The following XPO4 variants were observed in gnomAD, a reference collection of about 807,000 sequenced individuals.
XPO4 encodes exportin-4.
In XPO4, 39 loss-of-function variants were observed where a neutral mutation model predicts 143.0. That is an observed-to-expected ratio of 0.27 (90% CI 0.21 to 0.36). The LOEUF (loss-of-function observed/expected upper bound fraction) is 0.36. XPO4 is among the 10% of genes least tolerant of loss of function. The probability of loss-of-function intolerance (pLI) is 1.00; values close to 1 mark genes in which losing one functional copy is unlikely to be tolerated. For missense variants in XPO4, 907 were observed against 1,348.0 expected (o/e 0.67, Z 5.12); for synonymous variants, 439 against 474.0 (o/e 0.93, Z 0.96).
At chr13:20,834,201 T>A (rs2138024758) in intron 6 of XPO4, among the ~76,000 whole-genome samples, 1 of 152,206 alleles carries the variant, frequency 6.6e-6, no homozygotes, top group South Asian at 2.1e-4. Flanking sequence ...TAATAATCCT[T>A]AACAAATATA....
chr13:20,862,200 C>T (rs1310083525), intron 3 of XPO4, among the ~76,000 whole-genome samples: 1 of 152,074 alleles, frequency 6.6e-6, no homozygotes, highest in Non-Finnish European at 1.5e-5. Flanking sequence ...CAATACTTAC[C>T]ATTTTTCACC....
chr13:20,786,678 C>T (rs1344422540), intron 22 of XPO4, among the ~76,000 whole-genome samples: 1 of 152,094 alleles, frequency 6.6e-6, no homozygotes, highest in African/African-American at 2.4e-5. Context: ...TCATTCCTAG[C>T]ACAGTTGTTT....
intron 9 of XPO4, among the ~76,000 whole-genome samples, chr13:20,821,130 T>C (rs1012046595): frequency 2.6e-5 from 4 of 152,078 alleles, no homozygotes; most frequent in Non-Finnish European, 5.9e-5. Context: ...CCAAAAAACA[T>C]CTTCAGTATT....
intron 4 of XPO4, chr13:20,848,950 C>T: frequency 1.0e-6 from 1 of 985,390 alleles, no homozygotes; most frequent in Non-Finnish European, 1.2e-6. Flanking sequence ...ATTTAAGTAA[C>T]TCTTATCTTC....
At chr13:20,864,750 G>A (rs2060229971) in intron 2 of XPO4, among the ~76,000 whole-genome samples, 1 of 151,992 alleles carries the variant, frequency 6.6e-6, no homozygotes, top group African/African-American at 2.4e-5. Flanking sequence ...TATAGAAGAT[G>A]AATATTCAAA....
chr13:20,833,274 G>C (rs2059875053), intron 6 of XPO4, among the ~76,000 whole-genome samples: 1 of 152,118 alleles, frequency 6.6e-6, no homozygotes, highest in Non-Finnish European at 1.5e-5. Flanking sequence ...CAAAAGCATG[G>C]CCCATGCTTT....
chr13:20,790,414 A>G (rs2059265563), intron 19 of XPO4, 48 bp downstream of exon 19: 1 of 1,393,208 alleles, frequency 7.2e-7, no homozygotes. Context: ...GTATCTTTGA[A>G]CTTCAGTTAC....
chr13:20,825,341 AAAGTGCTTTAAAGTAGGCAAT>A (rs2059770868), intron 7 of XPO4, among the ~76,000 whole-genome samples: 2 of 152,240 alleles, frequency 1.3e-5, no homozygotes, highest in South Asian at 4.1e-4. Context: ...ATCCAGTGGA[AAAGTGCTTTAAAGTAGGCAAT>A]AAATTCATAT....
At chr13:20,887,836 G>A (rs1317538921) in intron 1 of XPO4, among the ~76,000 whole-genome samples, 2 of 151,650 alleles carry the variant, frequency 1.3e-5, no homozygotes, top group Non-Finnish European at 2.9e-5. Flanking sequence ...ACTCCAGCCT[G>A]GGCGACAGTC....
intron 3 of XPO4, among the ~76,000 whole-genome samples, chr13:20,860,732 C>A (rs780686019): frequency 1.4e-4 from 21 of 152,150 alleles, no homozygotes; most frequent in Non-Finnish European, 1.5e-5. Flanking sequence ...AAAAACCAAT[C>A]AATCAATCCA....
At chr13:20,833,865 G>A (rs577200934) in intron 6 of XPO4, among the ~76,000 whole-genome samples, 1 of 152,286 alleles carries the variant, frequency 6.6e-6, no homozygotes, top group Admixed American at 6.5e-5. Flanking sequence ...AGCTCTACCA[G>A]AAGAGCTATG....
rs1396279158 is a variant in XPO4, at chr13:20,809,850, G to C, written c.1291C>G (p.Gln431Glu). 1.2e-6 allele frequency: 2 copies of C among 1,613,770 alleles called. No homozygotes were observed. Among genetic ancestry groups the C allele is most frequent in the Admixed American group, 1.7e-5 (1 of 59,970 alleles). ...CACTGAATATAGGAATTGAAAACTTGAACTGCATGTTGGGTAAAAAAGCCT... is the reference window on the plus strand; with the variant it reads ...CACTGAATATAGGAATTGAAAACTTCAACTGCATGTTGGGTAAAAAAGCCT... ...HKGFFTQHAVQVFNSYIQCHL... is the reference protein window; with the variant it reads ...HKGFFTQHAVEVFNSYIQCHL... Residue 431 changes from glutamine (Q) to glutamate (E), a missense_variant, in exon 10 of 23, where the codon CAA becomes GAA. By Grantham distance (29) the Gln-to-Glu change is conservative. Transcript: ENST00000255305.
intron 3 of XPO4, among the ~76,000 whole-genome samples, chr13:20,856,122 G>T (rs1188965685): frequency 6.6e-6 from 1 of 152,092 alleles, no homozygotes; most frequent in Non-Finnish European, 1.5e-5. Context: ...TTCAACAGAT[G>T]TAAGTCAGCT....
chr13:20,885,535 T>C (rs74036468), intron 1 of XPO4, among the ~76,000 whole-genome samples: 3,208 of 152,064 alleles, frequency 0.021, 89 homozygotes, highest in Middle Eastern at 0.075. Context: ...AACTAAATGC[T>C]CTACATAAAA....
chr13:20,787,208 CT>C, intron 21 of XPO4, 151 bp from the exon 22 acceptor site: 1 of 750,910 alleles, frequency 1.3e-6, no homozygotes. Flanking sequence ...AAAAAAATAC[CT>C]TACAGATATT....
At chr13:20,893,627 G>A (rs565795219) in intron 1 of XPO4, among the ~76,000 whole-genome samples, 6 of 151,878 alleles carry the variant, frequency 4.0e-5, no homozygotes, top group East Asian at 2.0e-4. Flanking sequence ...ATGGTGGCAC[G>A]TGCCTGTAAT....
intron 3 of XPO4, 136 bp downstream of exon 3, chr13:20,862,581 G>T: frequency 1.8e-6 from 2 of 1,082,196 alleles, no homozygotes; most frequent in Non-Finnish European, 2.6e-6. Flanking sequence ...CTCCCTCTCA[G>T]CCTCCCAAAG....
chr13:20,879,392 C>T lies in XPO4; in HGVS notation c.70-10691G>A, dbSNP rs1406159722. 3 of 852,458 alleles carry T rather than the reference C, an allele frequency of 3.5e-6. No homozygotes were observed. In the East Asian group the frequency reaches 3.7e-4, roughly 104 times the overall value. The allele number at this position is 852,458 out of a possible 1,614,324, so 52.8% of individuals were successfully genotyped here. A position where few individuals can be genotyped will look rare whatever the true frequency, so the allele number is the denominator to read the frequency against. ...ATGGAAGAGCGTAAATTACTTCAGACAATGAATACCCACAAGCAGGCCTAT... is the reference window on the plus strand; with the variant it reads ...ATGGAAGAGCGTAAATTACTTCAGATAATGAATACCCACAAGCAGGCCTAT... On this transcript the variant is annotated intron_variant, in intron 1 of 22. Coordinates refer to ENST00000255305, the MANE Select transcript of XPO4 (RefSeq NM_022459.5).
intron 3 of XPO4, among the ~76,000 whole-genome samples, chr13:20,855,985 A>G (rs1355778435): frequency 6.6e-6 from 1 of 152,180 alleles, no homozygotes; most frequent in Non-Finnish European, 1.5e-5. Context: ...GTTAGCATTC[A>G]GGGCCTTGGT....
Sources: allele counts gnomAD v4.1 joint callset (sites outside exome capture counted in the v4.1 genomes callset), GRCh38; gene constraint gnomAD v4.1.1; transcripts MANE v1.5; gene names NCBI Gene and HGNC (gene_info 2026-07-23, HGNC 2026-07-21).